The following PTPRD variants were observed in gnomAD, a reference collection of about 807,000 sequenced individuals.
PTPRD encodes the protein protein tyrosine phosphatase receptor type D.
Under a neutral mutation model 214.5 loss-of-function variants are expected in PTPRD, and 34 were observed. That is an observed-to-expected ratio of 0.16 (90% CI 0.12 to 0.21). The LOEUF (loss-of-function observed/expected upper bound fraction) is 0.21. Among genes scored for constraint, PTPRD ranks in the 10% least tolerant of loss-of-function variants. PTPRD has a pLI of 1.00. For synonymous variants in PTPRD, 1,128 were observed against 845.7 expected, an observed-to-expected ratio of 1.33 and a Z score of -5.79; for missense variants, 2,545 against 2,398.7, an observed-to-expected ratio of 1.06 and a Z score of -1.27.
chr9:8,999,280 C>T (rs1391929298), intron 11 of PTPRD, among the ~76,000 whole-genome samples: 1 of 151,950 alleles, frequency 6.6e-6, no homozygotes, highest in African/African-American at 2.4e-5. Context: ...ATGAAGCAAA[C>T]TTCACCGTTG....
intron 5 of PTPRD, among the ~76,000 whole-genome samples, chr9:9,892,711 T>C (rs2073775786): frequency 6.6e-6 from 1 of 150,942 alleles, no homozygotes; most frequent in East Asian, 1.9e-4. Flanking sequence ...AGAGAGAAGG[T>C]ACACTGGTTA....
At chr9:9,063,169 CA>C (rs2099710798) in intron 10 of PTPRD, among the ~76,000 whole-genome samples, 1 of 152,020 alleles carries the variant, frequency 6.6e-6, no homozygotes, top group Non-Finnish European at 1.5e-5. Context: ...CTAGCATTGG[CA>C]AATTTTCATA....
At chr9:10,278,387 T>A (rs749035990) in intron 3 of PTPRD, among the ~76,000 whole-genome samples, 2 of 152,196 alleles carry the variant, frequency 1.3e-5, no homozygotes, top group Non-Finnish European at 2.9e-5. Context: ...ACAAAGTGGT[T>A]CAGGAGGTCC....
At chr9:10,022,812 C>A (rs2096849956) in intron 4 of PTPRD, among the ~76,000 whole-genome samples, 1 of 152,078 alleles carries the variant, frequency 6.6e-6, no homozygotes, top group Admixed American at 6.5e-5. Flanking sequence ...TGATTTCTTC[C>A]ATTAATTGTT....
chr9:8,425,757 C>T (rs1005227957), intron 35 of PTPRD, among the ~76,000 whole-genome samples: 1 of 152,022 alleles, frequency 6.6e-6, no homozygotes, highest in Non-Finnish European at 1.5e-5. Flanking sequence ...AAATGTTAAA[C>T]AGATGAAGGC....
In PTPRD at chr9:10,401,590, C is replaced by T. The variant is rs140114024; in HGVS notation, c.-599-60573G>A. Among the ~76,000 whole-genome samples the T allele has an allele frequency of 7.3e-4, 108 of 147,656 alleles. No individual in the cohort carries two copies. In the East Asian group the frequency reaches 0.013, roughly 18 times the overall value. ...ATTAAATTATATATATAAACAGGTA[C>T]ATACAGTATGTCTGTGATATAACAG... On this transcript the variant is annotated intron_variant, in intron 2 of 45. Coordinates refer to ENST00000381196, the MANE Select transcript of PTPRD (RefSeq NM_002839.4).
In PTPRD at chr9:8,331,577, C is replaced by CTTACCATTCCTGAACTGTAAT; in HGVS notation, c.5534+4_5534+5insATTACAGTTCAGGAATGGTAA. On this transcript the variant is annotated splice_donor_region_variant and intron_variant, in intron 44 of 45. Coordinates refer to ENST00000381196, the MANE Select transcript of PTPRD (RefSeq NM_002839.4). ...TCACTGCTTTATTCACAAATGGAAACTTACCTGCAATGGACTGAAATGGGT... is the reference window on the plus strand; with the variant it reads ...TCACTGCTTTATTCACAAATGGAAACTTACCATTCCTGAACTGTAATTTACCTGCAATGGACTGAAATGGGT... The CTTACCATTCCTGAACTGTAAT allele has an allele frequency of 6.2e-7, 1 of 1,613,918 alleles. No homozygotes were observed. The highest frequency in any genetic ancestry group is 8.5e-7 in the Non-Finnish European group (1 of 1,179,894).
At chr9:9,960,122 T>C (rs2094248360) in intron 4 of PTPRD, among the ~76,000 whole-genome samples, 1 of 150,466 alleles carries the variant, frequency 6.6e-6, no homozygotes, top group Non-Finnish European at 1.5e-5. Context: ...GCAGGAAATA[T>C]GCAACAACTT....
intron 2 of PTPRD, among the ~76,000 whole-genome samples, chr9:10,551,433 A>G (rs901349467): frequency 2.6e-5 from 4 of 152,114 alleles, no homozygotes; most frequent in Non-Finnish European, 5.9e-5. Context: ...TCAAAAATAT[A>G]TATGTTGAAA....
intron 3 of PTPRD, among the ~76,000 whole-genome samples, chr9:10,173,207 G>A (rs1243902368): frequency 6.6e-6 from 1 of 152,110 alleles, no homozygotes; most frequent in Non-Finnish European, 1.5e-5. Flanking sequence ...GTTGGAGAAT[G>A]CTCTTTAGCG....
chr9:8,678,259 G>A (rs950220824), intron 12 of PTPRD, among the ~76,000 whole-genome samples: 3 of 152,010 alleles, frequency 2.0e-5, no homozygotes, highest in African/African-American at 7.2e-5. Context: ...CTGTCCTTAC[G>A]ACCCCGGGAG....
intron 7 of PTPRD, among the ~76,000 whole-genome samples, chr9:9,590,854 C>T (rs923834239): frequency 1.5e-4 from 23 of 152,022 alleles, no homozygotes; most frequent in African/African-American, 2.2e-4. Flanking sequence ...CTCTTTCTCA[C>T]GTATGTGGCA....
chr9:9,900,219 A>G (rs1398360946), intron 5 of PTPRD, among the ~76,000 whole-genome samples: 2 of 152,206 alleles, frequency 1.3e-5, no homozygotes, highest in South Asian at 2.1e-4. Flanking sequence ...CATTTTAAAT[A>G]AAAGTTCCAA....
intron 3 of PTPRD, among the ~76,000 whole-genome samples, chr9:10,056,015 T>C (rs909912069): frequency 1.3e-5 from 2 of 151,364 alleles, no homozygotes; most frequent in African/African-American, 2.5e-5. Flanking sequence ...TTTCTGAAAG[T>C]ACTTCTTAAG....
chr9:10,541,978 T>C (rs552720422), intron 2 of PTPRD, among the ~76,000 whole-genome samples: 1 of 152,268 alleles, frequency 6.6e-6, no homozygotes, highest in African/African-American at 2.4e-5. Context: ...AAGGTATTTG[T>C]ACCCTAACAG....
chr9:10,308,258 T>A (rs1265308121), intron 3 of PTPRD, among the ~76,000 whole-genome samples: 1 of 152,052 alleles, frequency 6.6e-6, no homozygotes, highest in Non-Finnish European at 1.5e-5. Context: ...AGAGATAGCA[T>A]CTGGCTTCAT....
At chr9:9,222,498 A>C in intron 9 of PTPRD, among the ~76,000 whole-genome samples, 1 of 152,126 alleles carries the variant, frequency 6.6e-6, no homozygotes, top group East Asian at 1.9e-4. Flanking sequence ...AAAAATGTAG[A>C]GTTATGCCCA....
At chr9:8,812,851 G>C (rs2096839417) in intron 11 of PTPRD, among the ~76,000 whole-genome samples, 1 of 151,812 alleles carries the variant, frequency 6.6e-6, no homozygotes, top group Admixed American at 6.6e-5. Flanking sequence ...AAGGAAAACA[G>C]TCTTGAGTAA....
At chr9:9,081,846 T>C (rs975254508) in intron 10 of PTPRD, among the ~76,000 whole-genome samples, 1 of 151,680 alleles carries the variant, frequency 6.6e-6, no homozygotes, top group Non-Finnish European at 1.5e-5. Flanking sequence ...TTGCTTTCCA[T>C]TTGCTTGGTA....
Sources: allele counts gnomAD v4.1 joint callset (sites outside exome capture counted in the v4.1 genomes callset), GRCh38; gene constraint gnomAD v4.1.1; transcripts MANE v1.5; gene names NCBI Gene and HGNC (gene_info 2026-07-23, HGNC 2026-07-21).